The following ALK variants were observed in gnomAD, a reference collection of about 807,000 sequenced individuals.
The protein encoded by ALK is ALK tyrosine kinase receptor.
Under a neutral mutation model 163.1 loss-of-function variants are expected in ALK, and 74 were observed. The observed-to-expected ratio is 0.45, with a 90% CI of 0.38 to 0.55. The LOEUF (loss-of-function observed/expected upper bound fraction) is 0.55. Among genes scored for constraint, ALK ranks in the 20% least tolerant of loss-of-function variants. ALK has a pLI of 0.00. For synonymous variants in ALK, 960 were observed against 843.2 expected (o/e 1.14, Z -2.40); for missense variants, 2,063 against 2,105.3 (o/e 0.98, Z 0.39).
chr2:29,810,540 T>C (rs1026486380), intron 1 of ALK, among the ~76,000 whole-genome samples: 2 of 152,086 alleles, frequency 1.3e-5, no homozygotes, highest in Non-Finnish European at 2.9e-5. Flanking sequence ...TAACTTGTAT[T>C]GGAGGGCCTG....
Position 29,227,904 on chromosome 2 carries a change from C to T in ALK, c.2816-232G>A, listed in dbSNP as rs573058958. 6.6e-6 allele frequency among the ~76,000 whole-genome samples: 1 copy of T among 152,276 alleles called. No homozygotes were observed. The highest frequency in any genetic ancestry group is 2.4e-5 in the African/African-American group (1 of 41,558). ...TTTCCCCTCAGGTCCAGGCCAGCTC[C>T]CACTCTGCCGGTGGCCCACTAAGAA... On this transcript the variant is annotated intron_variant, in intron 16 of 28. Coordinates refer to ENST00000389048, the MANE Select transcript of ALK (RefSeq NM_004304.5). The surrounding 1 kb of genome is among the most constrained non-coding windows in gnomAD (Gnocchi z 4.4).
At chr2:29,476,970 T>G (rs1671540903) in intron 4 of ALK, among the ~76,000 whole-genome samples, 1 of 152,180 alleles carries the variant, frequency 6.6e-6, no homozygotes, top group African/African-American at 2.4e-5. Context: ...CGCCTCACCC[T>G]CATTCACATA....
At chr2:29,247,164 G>A (rs938718410) in intron 12 of ALK, among the ~76,000 whole-genome samples, 11 of 150,078 alleles carry the variant, frequency 7.3e-5, no homozygotes, top group East Asian at 2.0e-4. Flanking sequence ...CCGCGGCAGC[G>A]CCTTTCCCCC....
At chr2:29,554,751 C>G (rs563928159) in intron 3 of ALK, among the ~76,000 whole-genome samples, 1 of 152,276 alleles carries the variant, frequency 6.6e-6, no homozygotes, top group African/African-American at 2.4e-5. Context: ...CCAGACAGTT[C>G]AGGCATTCTA....
chr2:29,571,816 AT>A (rs1674383861), intron 3 of ALK, among the ~76,000 whole-genome samples: 2 of 151,838 alleles, frequency 1.3e-5, no homozygotes, highest in Non-Finnish European at 2.9e-5. Context: ...GGGTTTCACC[AT>A]ATTGGCCAGG....
chr2:29,337,377 C>A (rs1352658847), intron 5 of ALK, among the ~76,000 whole-genome samples: 1 of 152,202 alleles, frequency 6.6e-6, no homozygotes, highest in African/African-American at 2.4e-5. Context: ...CCTAGCCTTG[C>A]CATCAGCCCT....
intron 25 of ALK, chr2:29,208,117 T>C: frequency 2.2e-6 from 1 of 448,160 alleles, no homozygotes; most frequent in Non-Finnish European, 4.5e-6. Context: ...AAGAAATGGA[T>C]ATATATGCAT....
At chr2:29,899,235 T>G (rs537322341) in intron 1 of ALK, among the ~76,000 whole-genome samples, 1 of 152,214 alleles carries the variant, frequency 6.6e-6, no homozygotes, top group Non-Finnish European at 1.5e-5. Context: ...TCTCTAGTGA[T>G]TGACTTTGGC....
chr2:29,790,652 C>T (rs1306685082), intron 1 of ALK, among the ~76,000 whole-genome samples: 3 of 152,174 alleles, frequency 2.0e-5, no homozygotes, highest in African/African-American at 4.8e-5. Flanking sequence ...GGCACGATCT[C>T]GGCTCACTGC....
In ALK at chr2:29,807,449, G is replaced by T. The variant is rs568496754; in HGVS notation, c.668-89752C>A. On this transcript the variant is annotated intron_variant, in intron 1 of 28. Coordinates refer to ENST00000389048, the MANE Select transcript of ALK (RefSeq NM_004304.5). ...GTCCTTCTGCCAGGGAGGGCTCTGTGCTCAGGGGCCCAACACATGCCAGGA... is the reference window on the plus strand; with the variant it reads ...GTCCTTCTGCCAGGGAGGGCTCTGTTCTCAGGGGCCCAACACATGCCAGGA... Among the ~76,000 whole-genome samples, 75 of 152,350 alleles carry T rather than the reference G, an allele frequency of 4.9e-4. 1 individual carries two copies. In the South Asian group the frequency reaches 0.015, roughly 31 times the overall value.
intron 6 of ALK, among the ~76,000 whole-genome samples, chr2:29,325,699 T>C (rs894195052): frequency 6.6e-6 from 1 of 152,260 alleles, no homozygotes; most frequent in Non-Finnish European, 1.5e-5. Flanking sequence ...AGCTTCTGGC[T>C]ATCAGTTTGA....
At chr2:29,503,267 G>A (rs1429970476) in intron 4 of ALK, among the ~76,000 whole-genome samples, 1 of 152,170 alleles carries the variant, frequency 6.6e-6, no homozygotes, top group African/African-American at 2.4e-5. Flanking sequence ...GGTATTACGG[G>A]TCACTCAGGT....
At chr2:29,624,847 T>C (rs1052338135) in intron 3 of ALK, among the ~76,000 whole-genome samples, 2 of 152,226 alleles carry the variant, frequency 1.3e-5, no homozygotes, top group South Asian at 2.1e-4. Flanking sequence ...AATAAGAGTG[T>C]TCCTCTAACT....
chr2:29,847,162 C>T (rs1300681526), intron 1 of ALK, among the ~76,000 whole-genome samples: 2 of 152,212 alleles, frequency 1.3e-5, no homozygotes, highest in African/African-American at 4.8e-5. Flanking sequence ...CTCCTCCCTT[C>T]CCTCCACGAT....
chr2:29,449,401 G>A (rs1207482471), intron 4 of ALK, among the ~76,000 whole-genome samples: 1 of 152,198 alleles, frequency 6.6e-6, no homozygotes, highest in Non-Finnish European at 1.5e-5. Context: ...GTTGATCTTG[G>A]ACATTGAGGG....
intron 1 of ALK, among the ~76,000 whole-genome samples, chr2:29,791,272 C>T (rs962606194): frequency 1.3e-5 from 2 of 152,134 alleles, no homozygotes; most frequent in Non-Finnish European, 2.9e-5. Context: ...AAATGTGGCA[C>T]ATATACACCA....
chr2:29,879,747 T>G (rs1308354787), intron 1 of ALK, among the ~76,000 whole-genome samples: 1 of 152,212 alleles, frequency 6.6e-6, no homozygotes, highest in African/African-American at 2.4e-5. Context: ...AGAGAAAGGA[T>G]GAATGCTAGG....
chr2:29,663,385 T>C (rs571698759), intron 3 of ALK, among the ~76,000 whole-genome samples: 30 of 152,308 alleles, frequency 2.0e-4, no homozygotes, highest in African/African-American at 6.0e-4. Flanking sequence ...CAGGAAAAGA[T>C]TGAAAGAAAA....
chr2:29,375,234 G>A (rs965641370), intron 5 of ALK, among the ~76,000 whole-genome samples: 1 of 152,200 alleles, frequency 6.6e-6, no homozygotes, highest in Non-Finnish European at 1.5e-5. Flanking sequence ...CACCTCCACA[G>A]CCACCTTCTC....
Sources: gnomAD v4.1 joint callset for allele counts (sites outside exome capture counted in the v4.1 genomes callset) on GRCh38, gnomAD v4.1.1 for gene constraint, Gnocchi (gnomAD v3.1) non-coding constraint, MANE v1.5 for transcripts, NCBI Gene and HGNC (gene_info 2026-07-23, HGNC 2026-07-21) for gene names.